Variants in ARHGAP22 observed in about 807,000 individuals in gnomAD.
The protein encoded by ARHGAP22 is rho GTPase-activating protein 22.
In ARHGAP22, 48 loss-of-function variants were observed where a neutral mutation model predicts 59.1. The ratio of observed to expected loss-of-function variants is 0.81; its 90% confidence interval spans 0.64 to 1.03. The LOEUF (loss-of-function observed/expected upper bound fraction) is 1.03. ARHGAP22 is among the 50% of genes least tolerant of loss of function. ARHGAP22 has a pLI of 0.00. For synonymous variants in ARHGAP22, 445 were observed against 416.4 expected (o/e 1.07, Z -0.84); for missense variants, 1,015 against 958.7 (o/e 1.06, Z -0.78).
Position 48,451,073 on chromosome 10 carries a change from C to T in ARHGAP22, c.1056G>A (p.Pro352=), listed in dbSNP as rs1307355882. 9.7e-6 allele frequency: 15 copies of T among 1,552,446 alleles called. No homozygotes were observed. The highest frequency in any genetic ancestry group is 1.4e-5 in the African/African-American group (1 of 73,118). ...GCGGGGAGGTGGGCCCTTCCGGGAC[C>T]GGTGCCGTGAAGAGCTGGCTGTGTT... is the stretch of plus-strand genomic sequence containing the variant. ...IRKHSQLFTA[P]VPEGPTSPRG... is the part of the protein sequence containing the mutation. Residue 352 remains proline, a synonymous_variant, in exon 9 of 10, where the codon CCG becomes CCA. Transcript: ENST00000249601.
chr10:48,624,414 T>C (rs777916988), intron 1 of ARHGAP22: 1 of 152,400 alleles, frequency 6.6e-6, no homozygotes, highest in Non-Finnish European at 1.5e-5. Context: ...CACTTTAGCC[T>C]GGGCAACAGA....
chr10:48,529,154 C>A (rs1335099898), intron 3 of ARHGAP22, among the ~76,000 whole-genome samples: 1 of 152,092 alleles, frequency 6.6e-6, no homozygotes, highest in Non-Finnish European at 1.5e-5. Flanking sequence ...GACTGGCTAG[C>A]CTGGTGGCTA....
the ARHGAP22 span, chr10:48,437,757 G>T: frequency 6.6e-6 from 1 of 152,230 alleles, no homozygotes; most frequent in Non-Finnish European, 1.5e-5. Context: ...GGCACAGTGT[G>T]TTCATGCCAG....
chr10:48,506,934 G>A (rs989385750), intron 3 of ARHGAP22, among the ~76,000 whole-genome samples: 9 of 152,150 alleles, frequency 5.9e-5, no homozygotes, highest in African/African-American at 2.2e-4. Flanking sequence ...TTAGTTCAGC[G>A]CTATTCCCCT....
At chr10:48,610,784 G>A (rs2060853550) in intron 1 of ARHGAP22, among the ~76,000 whole-genome samples, 1 of 152,178 alleles carries the variant, frequency 6.6e-6, no homozygotes, top group Non-Finnish European at 1.5e-5. Context: ...TTGGGCAGAG[G>A]TGGCCAGGAC....
rs1182263286 is a variant in ARHGAP22 at position 48,470,566 on chromosome 10, C to T, written c.451+9070G>A. ...ATACCCAGAAGAGGCCAGGCCTGCC[C>T]TCTATGAGCCTGGACAGGATCCAAG... On this transcript the variant is annotated intron_variant, in intron 4 of 9. Transcript: ENST00000249601. Among the ~76,000 whole-genome samples the T allele has an allele frequency of 6.6e-5, 10 of 152,332 alleles. No individual in the cohort carries two copies. The South Asian group carries it at 1.7e-3, about 25-fold the overall frequency.
At position 48,565,463 on chromosome 10, in the gene ARHGAP22, A is replaced by AT. The variant is rs1341427765; in HGVS notation, c.235-9914dup. 3.3e-5 allele frequency among the ~76,000 whole-genome samples: 5 copies of AT among 152,228 alleles called. No individual in the cohort carries two copies. In the East Asian group the frequency reaches 9.7e-4, roughly 29 times the overall value. ...TCTGCAATGTGGAGGTGTTTTGAGG[A>AT]TTTCCCCAGGTTTAGTGCCCAGTAA... On this transcript the variant is annotated intron_variant, in intron 2 of 9. Coordinates refer to ENST00000249601, the MANE Select transcript of ARHGAP22 (RefSeq NM_021226.4).
chr10:48,654,943 TTCTTTCTC>T (rs539093364), upstream of ARHGAP22, among the ~76,000 whole-genome samples: 203 of 105,190 alleles, frequency 1.9e-3, 2 homozygotes, highest in African/African-American at 6.3e-3. Context: ...CTCTCTCTCT[TTCTTTCTC>T]TCTTTCTCCT....
chr10:48,455,647 G>GTGGAGGGGACAAGTGGAC (rs2046420225), intron 5 of ARHGAP22, among the ~76,000 whole-genome samples: 1 of 152,228 alleles, frequency 6.6e-6, no homozygotes, highest in South Asian at 2.1e-4. Context: ...CCTGCAAGAC[G>GTGGAGGGGACAAGTGGAC]ATGTGGGAGC....
chr10:48,505,435 G>A (rs997143674), intron 3 of ARHGAP22, among the ~76,000 whole-genome samples: 6 of 152,122 alleles, frequency 3.9e-5, no homozygotes, highest in African/African-American at 1.4e-4. Context: ...TCCCCACCAT[G>A]AGACCACGTC....
chr10:48,585,413 T>G (rs919358509), intron 1 of ARHGAP22, among the ~76,000 whole-genome samples: 1 of 152,198 alleles, frequency 6.6e-6, no homozygotes, highest in African/African-American at 2.4e-5. Flanking sequence ...TCTTTTCTCA[T>G]TCCTTTGACT....
intron 3 of ARHGAP22, among the ~76,000 whole-genome samples, chr10:48,483,718 C>T (rs2049570802): frequency 6.6e-6 from 1 of 151,964 alleles, no homozygotes; most frequent in African/African-American, 2.4e-5. Flanking sequence ...GGATCCTTTG[C>T]CCACTTTTTA....
intron 1 of ARHGAP22, among the ~76,000 whole-genome samples, chr10:48,643,526 T>C (rs188962193): frequency 6.6e-6 from 1 of 151,172 alleles, no homozygotes; most frequent in East Asian, 2.0e-4. Flanking sequence ...CATCGCATGT[T>C]CTCACTCATA....
chr10:48,540,359 G>C (rs374763522), intron 3 of ARHGAP22, among the ~76,000 whole-genome samples: 44 of 152,278 alleles, frequency 2.9e-4, no homozygotes, highest in African/African-American at 9.6e-4. Context: ...AGCCTCCCGA[G>C]TAGCTGGGAT....
At chr10:48,476,205 T>C (rs1400231641) in intron 4 of ARHGAP22, among the ~76,000 whole-genome samples, 1 of 152,152 alleles carries the variant, frequency 6.6e-6, no homozygotes, top group Non-Finnish European at 1.5e-5. Context: ...CCATTGCAGG[T>C]TGGCTGAATG....
chr10:48,570,308 A>G (rs1348394500), intron 2 of ARHGAP22, among the ~76,000 whole-genome samples: 2 of 152,214 alleles, frequency 1.3e-5, no homozygotes, highest in South Asian at 2.1e-4. Context: ...TATGACTCCA[A>G]TGAGTAATTC....
downstream of ARHGAP22, chr10:48,445,713 C>T (rs1220796868): frequency 6.5e-6 from 1 of 153,436 alleles, no homozygotes; most frequent in African/African-American, 2.4e-5. Flanking sequence ...GGTGCCCACT[C>T]AGGCTCTGGC....
At position 48,566,119 on chromosome 10, in the gene ARHGAP22, T is replaced by C. The variant is rs141231930; in HGVS notation, c.235-10569A>G. Among the ~76,000 whole-genome samples, 48 of 152,352 alleles carry C rather than the reference T, an allele frequency of 3.2e-4. No individual in the cohort carries two copies. In the East Asian group the frequency reaches 8.1e-3, roughly 26 times the overall value. On this transcript the variant is annotated intron_variant, in intron 2 of 9. Transcript: ENST00000249601. ...TGGGAAGTCTTCATTTTTCACCTTG[T>C]CTAGGAGACTGCCTGAAGAAACAAC...
chr10:48,557,044 T>A (rs1277746589), intron 2 of ARHGAP22, among the ~76,000 whole-genome samples: 1 of 152,194 alleles, frequency 6.6e-6, no homozygotes, highest in Non-Finnish European at 1.5e-5. Flanking sequence ...CAGAACATCG[T>A]CCTTACCCGC....
Sources: allele counts gnomAD v4.1 joint callset (sites outside exome capture counted in the v4.1 genomes callset), GRCh38; gene constraint gnomAD v4.1.1; transcripts MANE v1.5; gene names NCBI Gene and HGNC (gene_info 2026-07-23, HGNC 2026-07-21).